The following FOCAD variants were observed in gnomAD, a reference collection of about 807,000 sequenced individuals.
FOCAD encodes KIAA1797.
FOCAD carries 198 observed loss-of-function variants against 225.6 expected under a neutral mutation model. The ratio of observed to expected loss-of-function variants is 0.88; its 90% CI spans 0.78 to 0.99. The LOEUF is 0.99. FOCAD is among the 50% of genes least tolerant of loss of function. The probability of loss-of-function intolerance (pLI) is 0.00; values close to 1 mark genes in which losing one functional copy is unlikely to be tolerated. For synonymous variants in FOCAD, 897 were observed against 755.0 expected (o/e 1.19, Z -3.08); for missense variants, 2,713 against 2,123.6 (o/e 1.28, Z -5.46).
chr9:20,757,708 G>GCAGC (rs1166881519), intron 5 of FOCAD, among the ~76,000 whole-genome samples: 1 of 152,178 alleles, frequency 6.6e-6, no homozygotes, highest in African/African-American at 2.4e-5. Flanking sequence ...TGGAAAGAGA[G>GCAGC]CAGCGGTAGC....
intron 8 of FOCAD, among the ~76,000 whole-genome samples, chr9:20,775,809 C>A (rs1044938231): frequency 6.6e-6 from 1 of 151,964 alleles, no homozygotes; most frequent in South Asian, 2.1e-4. Flanking sequence ...GGGACTCCTC[C>A]GACATCTGTG....
chr9:20,797,210 G>C (rs1821216130), intron 11 of FOCAD, among the ~76,000 whole-genome samples: 1 of 152,138 alleles, frequency 6.6e-6, no homozygotes, highest in South Asian at 2.1e-4. Flanking sequence ...TGCTGTTTGG[G>C]TGACTGTAGC....
intron 15 of FOCAD, among the ~76,000 whole-genome samples, chr9:20,855,899 T>C (rs1014230797): frequency 2.0e-5 from 3 of 151,674 alleles, no homozygotes; most frequent in Non-Finnish European, 4.4e-5. Flanking sequence ...GTTCCATCTA[T>C]GTTGTTGCAA....
At chr9:20,773,745 A>T (rs1818468386) in intron 8 of FOCAD, among the ~76,000 whole-genome samples, 1 of 152,132 alleles carries the variant, frequency 6.6e-6, no homozygotes, top group South Asian at 2.1e-4. Flanking sequence ...ATTAAAGGTC[A>T]TCCCCTTTCG....
chr9:20,815,123 G>GTTTTTTTTTTTTTTTTT (rs71334554), intron 11 of FOCAD, among the ~76,000 whole-genome samples: 2 of 85,396 alleles, frequency 2.3e-5, no homozygotes, highest in African/African-American at 4.7e-5. Flanking sequence ...ACTTCTCTTT[G>GTTTTTTTTTTTTTTTTT]TTTTTTTTTT....
chr9:20,686,040 A>G (rs556465753), intron 1 of FOCAD, among the ~76,000 whole-genome samples: 1 of 152,342 alleles, frequency 6.6e-6, no homozygotes, highest in East Asian at 1.9e-4. Context: ...TAATATTCTT[A>G]GCTTCATGAT....
chr9:20,851,061 T>C (rs1212258342), intron 15 of FOCAD, among the ~76,000 whole-genome samples: 3 of 151,518 alleles, frequency 2.0e-5, no homozygotes, highest in Non-Finnish European at 4.4e-5. Flanking sequence ...TAATTAGTCT[T>C]ATGAAAATAT....
At chr9:20,819,968 G>T in intron 12 of FOCAD, 68 bp downstream of exon 12, 2 of 995,704 alleles carry the variant, frequency 2.0e-6, no homozygotes, top group Middle Eastern at 2.2e-4. Flanking sequence ...ATTCTTTTTG[G>T]TATTATGAAA....
intron 6 of FOCAD, among the ~76,000 whole-genome samples, chr9:20,760,593 C>T (rs1829500128): frequency 6.6e-6 from 1 of 152,086 alleles, no homozygotes; most frequent in South Asian, 2.1e-4. Context: ...TGATAAATGT[C>T]TTTATTTGAA....
intron 1 of FOCAD, among the ~76,000 whole-genome samples, chr9:20,709,892 T>C (rs1587290462): frequency 6.6e-6 from 1 of 152,208 alleles, no homozygotes; most frequent in Non-Finnish European, 1.5e-5. Flanking sequence ...GTAATTTAGA[T>C]AAAAACAACA....
At position 20,838,272 on chromosome 9, in the gene FOCAD, CT is replaced by C. The variant is rs761085808; in HGVS notation, c.1920+15168del. ...TTAGATGACATTATACCACATAGGTCTTTTTTTTTTTAATTTTGAGCTTTAT... is the reference window on the plus strand; with the variant it reads ...TTAGATGACATTATACCACATAGGTCTTTTTTTTTTAATTTTGAGCTTTAT... On this transcript the variant is annotated intron_variant, in intron 15 of 43. Transcript: ENST00000338382. 2.6e-3 allele frequency among the ~76,000 whole-genome samples: 372 copies of C among 142,318 alleles called. 2 individuals are homozygous for C. In the East Asian group the frequency reaches 0.033, roughly 13 times the overall value. The allele number at this position is 142,318 out of a possible 152,430, so 93.4% of individuals were successfully genotyped here. A position where few individuals can be genotyped will look rare whatever the true frequency, so the allele number is the denominator to read the frequency against.
chr9:20,733,187 T>C (rs1826856956), intron 4 of FOCAD, among the ~76,000 whole-genome samples: 1 of 152,154 alleles, frequency 6.6e-6, no homozygotes, highest in African/African-American at 2.4e-5. Context: ...TTCCAGTCCC[T>C]AAAAATGTTC....
chr9:20,780,229 G>A (rs1159644090), intron 9 of FOCAD, among the ~76,000 whole-genome samples: 1 of 152,126 alleles, frequency 6.6e-6, no homozygotes, highest in Non-Finnish European at 1.5e-5. Flanking sequence ...CTCAGCTCCA[G>A]AGAAATACTA....
At chr9:20,658,895 C>T (rs1421513964) in intron 2 of FOCAD, 2 of 152,326 alleles carry the variant, frequency 1.3e-5, no homozygotes, top group African/African-American at 2.4e-5. Flanking sequence ...CCCCTAGTAC[C>T]TCAGAATGTG....
chr9:20,666,983 A>G (rs1032675693), intron 2 of FOCAD, among the ~76,000 whole-genome samples: 4 of 152,240 alleles, frequency 2.6e-5, no homozygotes, highest in African/African-American at 9.6e-5. Flanking sequence ...AAAAAAACCC[A>G]CAAAAACTAC....
At chr9:20,777,058 T>A (rs968026979) in intron 8 of FOCAD, among the ~76,000 whole-genome samples, 1 of 152,206 alleles carries the variant, frequency 6.6e-6, no homozygotes, top group South Asian at 2.1e-4. Context: ...ATCCCATTTT[T>A]AAAAATTCAC....
At chr9:20,720,203 A>G (rs954933655) in intron 3 of FOCAD, among the ~76,000 whole-genome samples, 177 bp from the exon 4 acceptor site, 3 of 151,994 alleles carry the variant, frequency 2.0e-5, no homozygotes, top group Non-Finnish European at 4.4e-5. Context: ...CACATCCATT[A>G]CCTCTCTTGG....
intron 15 of FOCAD, among the ~76,000 whole-genome samples, chr9:20,824,473 C>A (rs2131445340): frequency 6.6e-6 from 1 of 152,064 alleles, no homozygotes; most frequent in East Asian, 1.9e-4. Context: ...GTTTTCTCTG[C>A]CCATCCCCTC....
intron 2 of FOCAD, among the ~76,000 whole-genome samples, chr9:20,666,674 A>T (rs1463771416): frequency 6.6e-6 from 1 of 152,180 alleles, no homozygotes; most frequent in African/African-American, 2.4e-5. Context: ...TTATATACTT[A>T]ACCTTAGGCA....
Sources: allele counts gnomAD v4.1 joint callset (sites outside exome capture counted in the v4.1 genomes callset), GRCh38; gene constraint gnomAD v4.1.1; transcripts MANE v1.5; gene names NCBI Gene and HGNC (gene_info 2026-07-23, HGNC 2026-07-21).